The following MACROD2 variants were observed in gnomAD, a reference collection of about 807,000 sequenced individuals.
MACROD2 encodes ADP-ribose glycohydrolase MACROD2.
A neutral mutation model predicts 70.4 loss-of-function variants in MACROD2; 36 were observed. That is an observed-to-expected ratio of 0.51 (90% CI 0.39 to 0.68). The LOEUF (loss-of-function observed/expected upper bound fraction) is 0.68, where lower values mean the gene tolerates loss of function less well. Ranked by LOEUF, MACROD2 falls within the 30% of genes least tolerant of loss-of-function variation. The pLI, the probability that MACROD2 is intolerant of heterozygous loss-of-function variation, is 0.00. For synonymous variants in MACROD2, 172 were observed against 178.8 expected, an observed-to-expected ratio of 0.96 and a Z score of 0.30; for missense variants, 496 against 538.4, an observed-to-expected ratio of 0.92 and a Z score of 0.78.
chr20:15,264,976 T>C (rs1441311577), intron 6 of MACROD2, among the ~76,000 whole-genome samples: 1 of 152,158 alleles, frequency 6.6e-6, no homozygotes, highest in African/African-American at 2.4e-5. Context: ...TGGGTATTGT[T>C]TTCTGAGCCC....
chr20:15,248,283 C>G (rs1008604110), intron 6 of MACROD2, among the ~76,000 whole-genome samples: 1 of 152,166 alleles, frequency 6.6e-6, no homozygotes, highest in Non-Finnish European at 1.5e-5. Context: ...CTGCATCTGT[C>G]TGTGTTTATC....
At chr20:15,235,759 G>A (rs1320208384) in intron 6 of MACROD2, among the ~76,000 whole-genome samples, 1 of 152,100 alleles carries the variant, frequency 6.6e-6, no homozygotes, top group African/African-American at 2.4e-5. Flanking sequence ...CTCTATTCAA[G>A]AACACGTCTG....
chr20:14,304,172 A>T (rs2082500101), intron 3 of MACROD2, among the ~76,000 whole-genome samples: 1 of 152,156 alleles, frequency 6.6e-6, no homozygotes, highest in African/African-American at 2.4e-5. Flanking sequence ...TTCTAATAGA[A>T]TTGATGTCTA....
intron 8 of MACROD2, among the ~76,000 whole-genome samples, chr20:15,551,337 T>TAAAA (rs149415845): frequency 2.2e-4 from 31 of 143,572 alleles, no homozygotes; most frequent in African/African-American, 7.3e-4. Flanking sequence ...ATTTAATATT[T>TAAAA]AAAAAAAAAA....
intron 6 of MACROD2, among the ~76,000 whole-genome samples, chr20:15,382,354 A>G (rs937197682): frequency 6.6e-6 from 1 of 152,124 alleles, no homozygotes; most frequent in African/African-American, 2.4e-5. Flanking sequence ...CATCCAATAA[A>G]CTGAAGGAGA....
chr20:13,997,431 C>A (rs2052678541), intron 1 of MACROD2, among the ~76,000 whole-genome samples: 1 of 151,870 alleles, frequency 6.6e-6, no homozygotes, highest in African/African-American at 2.4e-5. Context: ...ATAATGAGGG[C>A]AAAACAGTGG....
intron 4 of MACROD2, among the ~76,000 whole-genome samples, chr20:14,671,622 C>A (rs888987794): frequency 6.6e-6 from 1 of 152,116 alleles, no homozygotes; most frequent in African/African-American, 2.4e-5. Flanking sequence ...AAAACTGCTC[C>A]AGTTTCCTGA....
intron 4 of MACROD2, among the ~76,000 whole-genome samples, chr20:14,541,861 AT>A (rs2123235172): frequency 1.3e-5 from 2 of 152,332 alleles, no homozygotes; most frequent in South Asian, 4.1e-4. Context: ...CCTTTAAATA[AT>A]ATGATTCTAA....
At chr20:14,753,127 C>A (rs895741097) in intron 5 of MACROD2, among the ~76,000 whole-genome samples, 1 of 152,192 alleles carries the variant, frequency 6.6e-6, no homozygotes, top group African/African-American at 2.4e-5. Flanking sequence ...TCTGAACCCA[C>A]CTCATTCCTG....
intron 5 of MACROD2, among the ~76,000 whole-genome samples, chr20:15,229,558 A>G (rs377184759): frequency 2.0e-5 from 3 of 152,180 alleles, no homozygotes; most frequent in South Asian, 4.1e-4. Context: ...GTGCCAATCC[A>G]GATGTTCCTT....
At chr20:15,601,845 A>G (rs935993316) in intron 8 of MACROD2, among the ~76,000 whole-genome samples, 3 of 152,022 alleles carry the variant, frequency 2.0e-5, no homozygotes, top group Non-Finnish European at 4.4e-5. Flanking sequence ...TGGCTAACAC[A>G]GTGAAACCCT....
intron 6 of MACROD2, among the ~76,000 whole-genome samples, chr20:15,305,566 G>A (rs1369211537): frequency 6.6e-6 from 1 of 151,954 alleles, no homozygotes; most frequent in Non-Finnish European, 1.5e-5. Context: ...ATGGGCCTCT[G>A]GTATCAATGG....
intron 8 of MACROD2, among the ~76,000 whole-genome samples, chr20:15,565,975 C>T (rs974431263): frequency 2.0e-5 from 3 of 151,712 alleles, no homozygotes; most frequent in African/African-American, 7.3e-5. Context: ...CCTCATTTGC[C>T]TTATCTGTGA....
chr20:15,915,822 A>C (rs1346946348), intron 10 of MACROD2, among the ~76,000 whole-genome samples: 1 of 152,104 alleles, frequency 6.6e-6, no homozygotes, highest in Non-Finnish European at 1.5e-5. Context: ...GCAGAGAGAA[A>C]GGGAGAAGGG....
At chr20:15,390,579 G>A (rs180806245) in intron 6 of MACROD2, among the ~76,000 whole-genome samples, 6 of 152,002 alleles carry the variant, frequency 3.9e-5, no homozygotes, top group East Asian at 1.9e-4. Context: ...CCACACCAAC[G>A]CTCCATGAAT....
At chr20:14,076,985 T>C (rs945543067) in intron 2 of MACROD2, among the ~76,000 whole-genome samples, 1 of 152,224 alleles carries the variant, frequency 6.6e-6, no homozygotes, top group Non-Finnish European at 1.5e-5. Flanking sequence ...CAAAAATCCA[T>C]GTGTTTAACT....
At chr20:14,439,694 T>A (rs140887884) in intron 3 of MACROD2, among the ~76,000 whole-genome samples, 146 of 152,326 alleles carry the variant, frequency 9.6e-4, no homozygotes, top group African/African-American at 3.3e-3. Context: ...AATTTAATAA[T>A]GTTATTTACT....
intron 3 of MACROD2, among the ~76,000 whole-genome samples, chr20:14,100,491 G>T (rs1175618413): frequency 6.7e-6 from 1 of 148,994 alleles, no homozygotes; most frequent in Non-Finnish European, 1.5e-5. Context: ...TGTTTATTGA[G>T]AGAAAATATA....
intron 7 of MACROD2, among the ~76,000 whole-genome samples, chr20:15,439,546 C>T (rs2046468446): frequency 6.6e-6 from 1 of 152,158 alleles, no homozygotes; most frequent in Non-Finnish European, 1.5e-5. Flanking sequence ...CTTTCTCTCC[C>T]TCTGCAGCCC....
Sources: gnomAD v4.1 joint callset for allele counts (sites outside exome capture counted in the v4.1 genomes callset) on GRCh38, gnomAD v4.1.1 for gene constraint, MANE v1.5 for transcripts, NCBI Gene and HGNC (gene_info 2026-07-23, HGNC 2026-07-21) for gene names.